The following FOXP1 variants were observed in gnomAD, a reference collection of about 807,000 sequenced individuals.
FOXP1 encodes the protein forkhead box protein P1.
FOXP1 carries 15 observed loss-of-function variants against 98.2 expected under a neutral mutation model. The ratio of observed to expected loss-of-function variants is 0.15; its 90% CI spans 0.10 to 0.24. The LOEUF (loss-of-function observed/expected upper bound fraction) is 0.24, where lower values mean the gene tolerates loss of function less well. Among genes scored for constraint, FOXP1 ranks in the 10% least tolerant of loss-of-function variants. The pLI is 1.00. For missense variants in FOXP1, 633 were observed against 848.5 expected (o/e 0.75, Z 3.15); for synonymous variants, 371 against 314.5 (o/e 1.18, Z -1.90).
intron 2 of FOXP1, among the ~76,000 whole-genome samples, chr3:71,517,293 A>G (rs981050313): frequency 2.6e-5 from 4 of 152,242 alleles, no homozygotes; most frequent in Admixed American, 6.5e-5. Flanking sequence ...AGAGAAGGCA[A>G]TAACGAAAGG....
At chr3:71,165,451 C>T (rs1477216698) in intron 6 of FOXP1, among the ~76,000 whole-genome samples, 1 of 152,080 alleles carries the variant, frequency 6.6e-6, no homozygotes, top group Non-Finnish European at 1.5e-5. Context: ...AAGGACTAAC[C>T]AGACATTTCA....
intron 2 of FOXP1, among the ~76,000 whole-genome samples, chr3:71,566,073 A>C (rs2046891305): frequency 6.6e-6 from 1 of 152,220 alleles, no homozygotes; most frequent in Non-Finnish European, 1.5e-5. Flanking sequence ...CAGGTATATG[A>C]ACATCCACAT....
chr3:70,960,097 C>T (rs998262704), intron 20 of FOXP1, among the ~76,000 whole-genome samples: 1 of 152,180 alleles, frequency 6.6e-6, no homozygotes, highest in East Asian at 1.9e-4. Flanking sequence ...GAGGACGACC[C>T]CAAGCGAGGT....
chr3:71,288,853 C>G (rs796964003), intron 5 of FOXP1, among the ~76,000 whole-genome samples: 10 of 152,286 alleles, frequency 6.6e-5, no homozygotes, highest in African/African-American at 2.4e-4. Flanking sequence ...AGCCAGCAGA[C>G]TGCTAGTTAT....
At chr3:71,173,619 G>A (rs932025554) in intron 6 of FOXP1, among the ~76,000 whole-genome samples, 1 of 152,124 alleles carries the variant, frequency 6.6e-6, no homozygotes, top group African/African-American at 2.4e-5. Context: ...AGTGAGGGTG[G>A]GGGTGTGGGT....
At chr3:71,445,932 CCA>C (rs2086373740) in intron 3 of FOXP1, among the ~76,000 whole-genome samples, 1 of 152,064 alleles carries the variant, frequency 6.6e-6, no homozygotes, top group Admixed American at 6.6e-5. Context: ...GGTGATCCGC[CCA>C]CCTTGGCCTC....
At chr3:71,192,035 T>C (rs772612715) in intron 6 of FOXP1, among the ~76,000 whole-genome samples, 2 of 152,182 alleles carry the variant, frequency 1.3e-5, no homozygotes, top group Non-Finnish European at 2.9e-5. Flanking sequence ...CCTGGCCCCA[T>C]GAAAGCATTC....
intron 3 of FOXP1, among the ~76,000 whole-genome samples, chr3:71,446,460 G>C (rs540544865): frequency 5.0e-4 from 76 of 152,210 alleles, no homozygotes; most frequent in African/African-American, 1.8e-3. Context: ...CCTAAGGAGG[G>C]AGGGAGCCAG....
chr3:71,226,963 G>A (rs1047661326), intron 5 of FOXP1, among the ~76,000 whole-genome samples: 7 of 152,154 alleles, frequency 4.6e-5, no homozygotes, highest in African/African-American at 1.7e-4. Flanking sequence ...AGGGCAGAGC[G>A]CACAGGACGA....
rs2081419758 is a variant in FOXP1, at chr3:71,396,917, TGTATATATATATATATAC to T, written c.-167-37691_-167-37674del. Among the ~76,000 whole-genome samples the T allele has an allele frequency of 2.1e-5, 2 of 95,242 alleles. 1 individual carries two copies. The highest frequency in any genetic ancestry group is 4.3e-5 in the Non-Finnish European group (2 of 46,594). 62.5% of individuals were successfully genotyped at this position (95,242 alleles called of 152,430 possible). On this transcript the variant is annotated intron_variant, in intron 3 of 20. Transcript: ENST00000649528. ...GAGTCATAAGGAACATATATATGTG[TGTATATATATATATATAC>T]ACATATATATATGTGTATATATATA...
chr3:71,173,140 CT>C (rs2061733376), intron 6 of FOXP1, among the ~76,000 whole-genome samples: 1 of 152,072 alleles, frequency 6.6e-6, no homozygotes, highest in South Asian at 2.1e-4. Context: ...CAGAGGTCAC[CT>C]TTTTTCCCCC....
chr3:71,081,155 A>G (rs2054369742), intron 7 of FOXP1, among the ~76,000 whole-genome samples: 1 of 152,224 alleles, frequency 6.6e-6, no homozygotes. Context: ...ACAATAATGA[A>G]GCAGAACTTG....
chr3:71,537,709 C>T (rs1470821212), intron 2 of FOXP1, among the ~76,000 whole-genome samples: 2 of 152,214 alleles, frequency 1.3e-5, no homozygotes, highest in Non-Finnish European at 1.5e-5. Flanking sequence ...AATAATACCT[C>T]CTCTAATGAA....
chr3:71,216,418 C>T (rs557644011), intron 5 of FOXP1, among the ~76,000 whole-genome samples: 4 of 152,160 alleles, frequency 2.6e-5, no homozygotes, highest in South Asian at 2.1e-4. Flanking sequence ...TCTGAATGCC[C>T]GTCAACTCAA....
At chr3:70,990,165 G>C (rs1435169493) in intron 13 of FOXP1, among the ~76,000 whole-genome samples, 1 of 152,070 alleles carries the variant, frequency 6.6e-6, no homozygotes, top group Non-Finnish European at 1.5e-5. Flanking sequence ...ACACAAAAAG[G>C]CAAAAATCTA....
chr3:71,466,185 C>T (rs776119661), intron 3 of FOXP1, among the ~76,000 whole-genome samples: 5 of 152,192 alleles, frequency 3.3e-5, no homozygotes, highest in Non-Finnish European at 5.9e-5. Flanking sequence ...CTTTCAAGGA[C>T]GCTTCCTCTG....
At chr3:71,073,345 C>T (rs919203933) in intron 7 of FOXP1, among the ~76,000 whole-genome samples, 1 of 152,180 alleles carries the variant, frequency 6.6e-6, no homozygotes, top group Admixed American at 6.5e-5. Context: ...CTTCTCTATA[C>T]CTCATGTGAA....
chr3:71,227,481 G>A (rs1460382807), intron 5 of FOXP1, among the ~76,000 whole-genome samples: 1 of 152,046 alleles, frequency 6.6e-6, no homozygotes, highest in Admixed American at 6.6e-5. Context: ...CTTATCTAAC[G>A]GTCTATTGAG....
intron 20 of FOXP1, among the ~76,000 whole-genome samples, chr3:70,960,218 C>T (rs116476545): frequency 0.01 from 1,569 of 152,268 alleles, 12 homozygotes; most frequent in Non-Finnish European, 0.016. Context: ...GCAAGAAAAG[C>T]CCTGCCAGGA....
Sources: allele counts gnomAD v4.1 joint callset (sites outside exome capture counted in the v4.1 genomes callset), GRCh38; gene constraint gnomAD v4.1.1; transcripts MANE v1.5; gene names NCBI Gene and HGNC (gene_info 2026-07-23, HGNC 2026-07-21).